AFF4: variants seen among roughly 807,000 people sequenced by gnomAD.
AFF4 encodes the protein AF4/FMR2 family member 4.
A neutral mutation model predicts 124.8 loss-of-function variants in AFF4; 13 were observed. That is an observed-to-expected ratio of 0.10 (90% CI 0.07 to 0.17). The LOEUF is 0.17. AFF4 is among the 10% of genes least tolerant of loss of function. The probability of loss-of-function intolerance (pLI) is 1.00; values close to 1 mark genes in which losing one functional copy is unlikely to be tolerated. For missense variants in AFF4, 1,092 were observed against 1,403.8 expected (o/e 0.78, Z 3.55); for synonymous variants, 477 against 496.1 (o/e 0.96, Z 0.51).
Position 132,883,401 on chromosome 5 carries a change from G to C in AFF4, c.3303C>G (p.Ser1101=). The C allele has an allele frequency of 1.2e-6, 2 of 1,614,002 alleles. No homozygotes were observed. The highest frequency in any genetic ancestry group is 1.7e-6 in the Non-Finnish European group (2 of 1,179,996). ...AAATTTCGGTGGCATAGAGGAAGTT[G>C]GATGTGACCTGAACATAGCTGGCTG... The part of the protein sequence containing the change: ...QMAASYVQVT[S]NFLYATEIWD... Residue 1101 remains serine (S), a synonymous_variant, in exon 20 of 21, where the codon TCC becomes TCG. Coordinates refer to ENST00000265343, the MANE Select transcript of AFF4 (RefSeq NM_014423.4).
intron 4 of AFF4, among the ~76,000 whole-genome samples, chr5:132,931,106 C>CAA (rs35923089): frequency 7.5e-4 from 73 of 96,816 alleles, no homozygotes; most frequent in Middle Eastern, 5.3e-3. Flanking sequence ...AACTCTGGCT[C>CAA]AAAAAAAAAA....
chr5:132,923,964 A>G (rs751261281), intron 5 of AFF4, among the ~76,000 whole-genome samples: 12 of 152,200 alleles, frequency 7.9e-5, no homozygotes, highest in Admixed American at 5.9e-4. Context: ...GAATAAAAAA[A>G]GAAAAACTGG....
In AFF4 at chr5:132,908,685, A is replaced by G. The variant is rs1760722632; in HGVS notation, c.1051-4281T>C. On this transcript the variant is annotated intron_variant, in intron 5 of 20. Transcript: ENST00000265343. ...CATAAACAATGACAATATTATTGTTATTTTCCTAGCTTGAATGTATGTATA... is the reference window on the plus strand; with the variant it reads ...CATAAACAATGACAATATTATTGTTGTTTTCCTAGCTTGAATGTATGTATA... 2.0e-5 allele frequency among the ~76,000 whole-genome samples: 3 copies of G among 149,716 alleles called. No individual in the cohort carries two copies. The Admixed American group carries it at 2.0e-4, about 10-fold the overall frequency.
chr5:132,887,668 A>T, intron 16 of AFF4, 76 bp from the exon 17 acceptor site: 1 of 1,532,106 alleles, frequency 6.5e-7, no homozygotes, highest in Admixed American at 1.7e-5. Flanking sequence ...TGTCCTCAAA[A>T]CATTAGAATT....
At chr5:132,889,750 T>C (rs2150067891) in intron 13 of AFF4, among the ~76,000 whole-genome samples, 1 of 152,314 alleles carries the variant, frequency 6.6e-6, no homozygotes, top group East Asian at 1.9e-4. Flanking sequence ...ATTGCCAGAC[T>C]TCAAAAGCCT....
intron 1 of AFF4, among the ~76,000 whole-genome samples, chr5:132,957,611 T>C (rs1561515524): frequency 6.6e-6 from 1 of 151,924 alleles, no homozygotes; most frequent in Non-Finnish European, 1.5e-5. Context: ...CAGGCGCCTG[T>C]AGACCCCAGC....
chr5:132,934,591 A>C lies in AFF4; in HGVS notation c.474T>G (p.Asn158Lys). 2 of 1,613,916 alleles carry C rather than the reference A, an allele frequency of 1.2e-6. No individual in the cohort carries two copies. Among genetic ancestry groups the C allele is most frequent in the Non-Finnish European group, 1.7e-6 (2 of 1,179,994 alleles). Reference protein sequence around the residue: ...GQRHDRESYNNSGSSSRKKGQ... With the variant: ...GQRHDRESYNKSGSSSRKKGQ... ...CTTTTTTCCGGCTACTGCTCCCACT[A>C]TTGTTATATGACTCACGGTCGTGCC... is the stretch of plus-strand genomic sequence containing the variant. Residue 158 changes from asparagine to lysine, a missense_variant, in exon 3 of 21, where the codon AAT becomes AAG. Asn to Lys is a moderately conservative substitution (Grantham distance 94). Transcript: ENST00000265343.
chr5:132,950,541 C>T lies in AFF4; in HGVS notation c.-5+12718G>A, dbSNP rs539479463. Reference sequence around the variant, plus strand: ...GTGGGCGCCTGTAATCCTAGCTACTCGGGAGGCTGAGGTAGGACAATCGCT... The same window carrying T: ...GTGGGCGCCTGTAATCCTAGCTACTTGGGAGGCTGAGGTAGGACAATCGCT... On this transcript the variant is annotated intron_variant, in intron 1 of 20. Coordinates refer to ENST00000265343, the MANE Select transcript of AFF4 (RefSeq NM_014423.4). 8.6e-5 allele frequency among the ~76,000 whole-genome samples: 13 copies of T among 151,750 alleles called. No homozygotes were observed. In the East Asian group the frequency reaches 1.8e-3, roughly 20 times the overall value.
At chr5:132,936,946 A>C in intron 2 of AFF4, 121 bp downstream of exon 2, 1 of 1,335,030 alleles carries the variant, frequency 7.5e-7, no homozygotes, top group Non-Finnish European at 1.0e-6. Flanking sequence ...AAGGACAGGA[A>C]AAAAATGTTA....
intron 1 of AFF4, among the ~76,000 whole-genome samples, chr5:132,950,885 C>T (rs1418388275): frequency 6.6e-6 from 1 of 152,094 alleles, no homozygotes; most frequent in African/African-American, 2.4e-5. Flanking sequence ...GTGAATCCTA[C>T]GAATCCTTTC....
At chr5:132,891,800 C>CTTT (rs11441608) in intron 13 of AFF4, 75 of 223,946 alleles carry the variant, frequency 3.3e-4, no homozygotes, top group Middle Eastern at 1.4e-3. Flanking sequence ...TGGTTTCTAT[C>CTTT]TTTTTTTTTT....
chr5:132,962,693 T>C (rs1672774340), intron 1 of AFF4, among the ~76,000 whole-genome samples: 3 of 151,914 alleles, frequency 2.0e-5, no homozygotes, highest in African/African-American at 7.3e-5. Flanking sequence ...CTGGGATAAC[T>C]AGGTAACAGA....
intron 5 of AFF4, among the ~76,000 whole-genome samples, chr5:132,909,556 G>C (rs1760746276): frequency 6.6e-6 from 1 of 152,160 alleles, no homozygotes; most frequent in Non-Finnish European, 1.5e-5. Flanking sequence ...GTGTGTATCT[G>C]TGTGTGAGAT....
In AFF4 at chr5:132,881,204, TTC is replaced by T. The variant is rs1383356460; in HGVS notation, c.3365-20_3365-19del. On this transcript the variant is annotated intron_variant, in intron 20 of 20. Coordinates refer to ENST00000265343, the MANE Select transcript of AFF4 (RefSeq NM_014423.4). ...AAAGAATTCTAGAAAACCAAAAACA[TTC>T]ATTAAATGATATATACTCTTTTGAA... 6.2e-7 allele frequency: 1 copy of T among 1,612,176 alleles called. No individual in the cohort carries two copies. The highest frequency in any genetic ancestry group is 1.7e-5 in the Admixed American group (1 of 59,766).
intron 5 of AFF4, among the ~76,000 whole-genome samples, chr5:132,914,341 G>A (rs1022255600): frequency 2.4e-4 from 36 of 151,980 alleles, no homozygotes; most frequent in African/African-American, 8.4e-4. Flanking sequence ...AGCGGCTCAC[G>A]CCTGTAATCC....
rs549734713 is a variant in AFF4, at chr5:132,918,886, T to C, written c.1050+8235A>G. 1.4e-3 allele frequency among the ~76,000 whole-genome samples: 184 copies of C among 135,502 alleles called. 1 individual carries two copies. Among genetic ancestry groups the C allele is most frequent in the Non-Finnish European group, 1.9e-4 (12 of 63,854 alleles). The allele number at this position is 135,502 out of a possible 152,430, so 88.9% of individuals were successfully genotyped here. A position where few individuals can be genotyped will look rare whatever the true frequency, so the allele number is the denominator to read the frequency against. ...TTGAAATTGACAAGGTGTTGTTTGT[T>C]TGTTTTTTTTTTTTTTTGAGACAGA... On this transcript the variant is annotated intron_variant, in intron 5 of 20. Coordinates refer to ENST00000265343, the MANE Select transcript of AFF4 (RefSeq NM_014423.4).
chr5:132,875,668 T>C lies in AFF4; in HGVS notation c.*5391A>G, dbSNP rs891212753. On this transcript the variant is annotated 3_prime_UTR_variant, in exon 21 of 21. Coordinates refer to ENST00000265343, the MANE Select transcript of AFF4 (RefSeq NM_014423.4). ...GTGGAAAAATCTAGTTAGTATATAA[T>C]ACTTTGCTCACCATTAACAGCTTTA... 2 of 200,120 alleles carry C rather than the reference T, an allele frequency of 1.0e-5. No homozygotes were observed. Among genetic ancestry groups the C allele is most frequent in the East Asian group, 7.8e-5 (1 of 12,802 alleles). The allele number at this position is 200,120 out of a possible 1,614,324, so 12.4% of individuals were successfully genotyped here. A position where few individuals can be genotyped will look rare whatever the true frequency, so the allele number is the denominator to read the frequency against.
At chr5:132,933,543 GA>G (rs997572748) in intron 3 of AFF4, among the ~76,000 whole-genome samples, 2 of 150,258 alleles carry the variant, frequency 1.3e-5, no homozygotes, top group African/African-American at 4.9e-5. Flanking sequence ...CACCCATCTT[GA>G]AAAAAAAAGA....
rs944419243 is a variant in AFF4 at position 132,878,033 on chromosome 5, C to T, written c.*3026G>A. 1 of 222,766 alleles carries T rather than the reference C, an allele frequency of 4.5e-6. No homozygotes were observed. Among genetic ancestry groups the T allele is most frequent in the Non-Finnish European group, 9.0e-6 (1 of 111,434 alleles). 13.8% of individuals were successfully genotyped at this position (222,766 alleles called of 1,614,324 possible). The stretch of plus-strand genomic sequence containing the variant: ...GTGGTCAACCTTCTCCACTCTTCGG[C>T]AGCTGTAGCTGTAAGTTTATCTGAA... On this transcript the variant is annotated 3_prime_UTR_variant, in exon 21 of 21. Coordinates refer to ENST00000265343, the MANE Select transcript of AFF4 (RefSeq NM_014423.4).
Sources: gnomAD v4.1 joint callset for allele counts (sites outside exome capture counted in the v4.1 genomes callset) on GRCh38, gnomAD v4.1.1 for gene constraint, MANE v1.5 for transcripts, NCBI Gene and HGNC (gene_info 2026-07-23, HGNC 2026-07-21) for gene names.